The following NTRK1 variants were observed in gnomAD, a reference collection of about 807,000 sequenced individuals.
NTRK1 encodes neurotrophic receptor tyrosine kinase 1, also known as high affinity nerve growth factor receptor.
NTRK1 carries 62 observed loss-of-function variants against 86.8 expected under a neutral mutation model. The ratio of observed to expected loss-of-function variants is 0.71; its 90% CI spans 0.58 to 0.88. NTRK1 has a LOEUF of 0.88. Among genes scored for constraint, NTRK1 ranks in the 40% least tolerant of loss-of-function variants. The pLI is 0.00. For missense variants in NTRK1, 967 were observed against 1,078.4 expected (o/e 0.90, Z 1.45); for synonymous variants, 469 against 456.6 (o/e 1.03, Z -0.35).
At chr1:156,879,427 A>G (rs1648118821) in intron 15 of NTRK1, 65 bp downstream of exon 15, 8 of 1,547,542 alleles carry the variant, frequency 5.2e-6, no homozygotes, top group African/African-American at 1.4e-5. Flanking sequence ...GGATCCCAAG[A>G]CCACTGAGAG....
At chr1:156,836,482 C>A (rs1324747664) in intron 1 of NTRK1, among the ~76,000 whole-genome samples, 1 of 152,198 alleles carries the variant, frequency 6.6e-6, no homozygotes, top group Non-Finnish European at 1.5e-5. Flanking sequence ...CAGCTACCTC[C>A]CTCTGTGTGG....
chr1:156,843,230 T>C, intron 2 of NTRK1: 2 of 1,613,928 alleles, frequency 1.2e-6, no homozygotes, highest in Non-Finnish European at 1.7e-6. Context: ...ATCAGGGACA[T>C]ACACTGCAAG....
intron 1 of NTRK1, among the ~76,000 whole-genome samples, chr1:156,829,501 T>C (rs1168646295): frequency 2.6e-5 from 4 of 152,056 alleles, no homozygotes; most frequent in Non-Finnish European, 5.9e-5. Context: ...TCCAGAGTCC[T>C]GGCCACCCTC....
intron 2 of NTRK1, chr1:156,846,028 G>T: frequency 1.2e-6 from 2 of 1,614,114 alleles, no homozygotes; most frequent in Non-Finnish European, 1.7e-6. Flanking sequence ...AGTAGGTGAG[G>T]TTCCCATTGC....
Position 156,851,209 on chromosome 1 carries a change from G to A in NTRK1, c.50+9016G>A, listed in dbSNP as rs1437460760. Reference sequence around the variant, plus strand: ...AGTGAGTAGCAAAATTGGTTCCAGAGCCCATTCTCTTCACCACTGTTCTGG... The same window carrying A: ...AGTGAGTAGCAAAATTGGTTCCAGAACCCATTCTCTTCACCACTGTTCTGG... On this transcript the variant is annotated intron_variant, in intron 2 of 16. Transcript: ENST00000392302. 7 of 1,553,782 alleles carry A rather than the reference G, an allele frequency of 4.5e-6. No homozygotes were observed. In the South Asian group the frequency reaches 5.6e-5, roughly 12 times the overall value.
intron 1 of NTRK1, among the ~76,000 whole-genome samples, chr1:156,819,131 T>A (rs576292198): frequency 6.6e-6 from 1 of 152,212 alleles, no homozygotes; most frequent in Admixed American, 6.5e-5. Context: ...ACCTCCCTTG[T>A]AGCTGGGACT....
In NTRK1 at chr1:156,854,431, G is replaced by A; in HGVS notation, c.51-9923G>A. On this transcript the variant is annotated intron_variant, in intron 2 of 16. Transcript: ENST00000392302. The surrounding 1 kb of genome is among the most constrained non-coding windows in gnomAD (Gnocchi z 4.2). Reference sequence around the variant, plus strand: ...AGTGAGGAGCCGGGCTCTGCTCTGGGTGTGGGGTGGCCTCCTTCCTGGGCC... The same window carrying A: ...AGTGAGGAGCCGGGCTCTGCTCTGGATGTGGGGTGGCCTCCTTCCTGGGCC... 9.8e-7 allele frequency: 1 copy of A among 1,021,074 alleles called. No individual in the cohort carries two copies. Among genetic ancestry groups the A allele is most frequent in the Non-Finnish European group, 1.4e-6 (1 of 716,640 alleles). The allele number at this position is 1,021,074 out of a possible 1,614,324, so 63.3% of individuals were successfully genotyped here. A position where few individuals can be genotyped will look rare whatever the true frequency, so the allele number is the denominator to read the frequency against.
At chr1:156,826,238 G>C (rs987996994) in intron 1 of NTRK1, among the ~76,000 whole-genome samples, 2 of 148,110 alleles carry the variant, frequency 1.4e-5, no homozygotes, top group African/African-American at 5.0e-5. Flanking sequence ...ACTTTTTTTG[G>C]TTTGTTGTTT....
chr1:156,860,739 GA>G (rs540417358), upstream of NTRK1: 434 of 1,089,162 alleles, frequency 4.0e-4, 3 homozygotes, highest in East Asian at 5.2e-3. Flanking sequence ...GGAGGGGGCA[GA>G]GGGGGGGGCG....
In NTRK1 at chr1:156,875,698, C is replaced by G. The variant is rs191705000; in HGVS notation, c.1501+32C>G. Reference sequence around the variant, plus strand: ...GGCTATGCTGGGTCAAGGGCAGGGACGAGTGTGTGTGTGTGTGTGTGTGTG... The same window carrying G: ...GGCTATGCTGGGTCAAGGGCAGGGAGGAGTGTGTGTGTGTGTGTGTGTGTG... On this transcript the variant is annotated intron_variant, in intron 12 of 16. Transcript: ENST00000524377. 1.3e-3 allele frequency: 1,597 copies of G among 1,240,300 alleles called. 14 individuals carry two copies. In the African/African-American group the frequency reaches 0.028, roughly 22 times the overall value. The allele number at this position is 1,240,300 out of a possible 1,614,324, so 76.8% of individuals were successfully genotyped here. A position where few individuals can be genotyped will look rare whatever the true frequency, so the allele number is the denominator to read the frequency against.
intron 1 of NTRK1, among the ~76,000 whole-genome samples, chr1:156,827,270 A>AT (rs55956245): frequency 0.79 from 114,184 of 144,938 alleles, 44,488 homozygotes; most frequent in East Asian, 0.88. Context: ...TTATTTTTTT[A>AT]TTTTTTTTTG....
chr1:156,866,908 A>C lies in NTRK1; in HGVS notation c.360-2A>C, dbSNP rs797045059. On this transcript the variant is annotated splice_acceptor_variant, in intron 3 of 16. Transcript: ENST00000524377. LOFTEE classifies it high-confidence loss of function. The stretch of plus-strand genomic sequence containing the variant: ...TGTCTTGCTGTGTCTCCACGCCCGC[A>C]GGAATCTCTCCTTCAACGCTCTGGA... 1.9e-6 allele frequency: 3 copies of C among 1,614,164 alleles called. No homozygotes were observed. Among genetic ancestry groups the C allele is most frequent in the Non-Finnish European group, 2.5e-6 (3 of 1,179,998 alleles).
chr1:156,834,737 A>G (rs1351672151), intron 1 of NTRK1, among the ~76,000 whole-genome samples: 1 of 151,646 alleles, frequency 6.6e-6, no homozygotes, highest in East Asian at 1.9e-4. Flanking sequence ...AGAAAAAAAA[A>G]GAAACAGAAC....
At chr1:156,819,317 G>A (rs937693342) in intron 1 of NTRK1, among the ~76,000 whole-genome samples, 1 of 151,890 alleles carries the variant, frequency 6.6e-6, no homozygotes, top group Non-Finnish European at 1.5e-5. Context: ...CACATCTATT[G>A]TTTTTTGACT....
intron 2 of NTRK1, chr1:156,851,403 C>T (rs374785576): frequency 6.2e-6 from 10 of 1,614,074 alleles, no homozygotes; most frequent in African/African-American, 2.7e-5. Flanking sequence ...CTACCAGCCC[C>T]AGGCTGTGCT....
chr1:156,850,184 G>A (rs1398697650), intron 2 of NTRK1, among the ~76,000 whole-genome samples: 3 of 152,148 alleles, frequency 2.0e-5, no homozygotes, highest in Non-Finnish European at 4.4e-5. Context: ...TTACAGGCAC[G>A]AGCCACCGCA....
intron 6 of NTRK1, among the ~76,000 whole-genome samples, chr1:156,869,405 A>G (rs995591668): frequency 1.9e-4 from 29 of 151,604 alleles, no homozygotes; most frequent in African/African-American, 5.8e-4. Context: ...AGGAAACTGG[A>G]ACCCAGGGAG....
intron 16 of NTRK1, 92 bp from the exon 17 acceptor site, chr1:156,881,365 C>A (rs1571705349): frequency 7.6e-7 from 1 of 1,313,828 alleles, no homozygotes; most frequent in East Asian, 2.6e-5. Context: ...GTGTGAGCTG[C>A]CTTGGGAGCC....
intron 1 of NTRK1, among the ~76,000 whole-genome samples, chr1:156,828,467 G>A (rs1453981516): frequency 1.3e-5 from 2 of 152,246 alleles, no homozygotes; most frequent in Non-Finnish European, 2.9e-5. Context: ...GCCCTTCCAG[G>A]GAGAGGCAGC....
Sources: allele counts gnomAD v4.1 joint callset (sites outside exome capture counted in the v4.1 genomes callset), GRCh38; gene constraint gnomAD v4.1.1; non-coding constraint Gnocchi (gnomAD v3.1); transcripts MANE v1.5; gene names NCBI Gene and HGNC (gene_info 2026-07-23, HGNC 2026-07-21).